Variants in FAAH2 observed in about 807,000 individuals in gnomAD.
The protein encoded by FAAH2 is fatty acid amide hydrolase 2, also known as fatty-acid amide hydrolase 2.
In FAAH2, 60 loss-of-function variants were observed where a neutral mutation model predicts 36.9. The ratio of observed to expected loss-of-function variants is 1.63; its 90% CI spans 1.32 to 2.02. FAAH2 has a LOEUF of 2.02. Among genes scored for constraint, FAAH2 ranks in the 30% most tolerant of loss-of-function variants. The probability of loss-of-function intolerance (pLI) is 0.00; values close to 1 mark genes in which losing one functional copy is unlikely to be tolerated. For missense variants in FAAH2, 689 were observed against 397.5 expected, an observed-to-expected ratio of 1.73 and a Z score of -6.23; for synonymous variants, 214 against 143.8, an observed-to-expected ratio of 1.49 and a Z score of -3.49.
At chrX:57,417,615 G>T (rs1414299629) in intron 7 of FAAH2, among the ~76,000 whole-genome samples, 1 of 111,609 alleles carries the variant, frequency 9.0e-6, no homozygotes, top group East Asian at 2.8e-4. Flanking sequence ...TTCTCTCAGC[G>T]GGGCAACTTC....
chrX:57,209,885 T>C, the FAAH2 span, among the ~76,000 whole-genome samples: 24 of 110,701 alleles, frequency 2.2e-4, 1 homozygote, highest in Non-Finnish European at 4.5e-4. Flanking sequence ...GAGTCCCCTC[T>C]GGCTATGACT....
At chrX:57,445,733 C>T (rs2056660228) in intron 8 of FAAH2, among the ~76,000 whole-genome samples, 1 of 112,437 alleles carries the variant, frequency 8.9e-6, no homozygotes, top group African/African-American at 3.2e-5. Context: ...TTTTCCCACT[C>T]CTTTCCCAAA....
intron 9 of FAAH2, among the ~76,000 whole-genome samples, chrX:57,447,609 C>T (rs188289151): frequency 1.2e-4 from 13 of 112,440 alleles, no homozygotes; most frequent in Non-Finnish European, 3.8e-5. Flanking sequence ...ACAGGCCCAA[C>T]ACCACATGGA....
chrX:57,176,928 G>C, the FAAH2 span, among the ~76,000 whole-genome samples: 1 of 110,736 alleles, frequency 9.0e-6, no homozygotes, highest in African/African-American at 3.3e-5. Flanking sequence ...ATGTGCTAGA[G>C]GCGTGAGCAA....
intron 5 of FAAH2, among the ~76,000 whole-genome samples, chrX:57,368,492 C>A (rs1204072877): frequency 2.7e-5 from 3 of 111,271 alleles, no homozygotes; most frequent in Non-Finnish European, 5.7e-5. Flanking sequence ...GTGGCATACC[C>A]CATGGAACAA....
At chrX:57,339,304 A>T (rs1227466471) in intron 4 of FAAH2, among the ~76,000 whole-genome samples, 1 of 112,390 alleles carries the variant, frequency 8.9e-6, no homozygotes, top group Non-Finnish European at 1.9e-5. Context: ...ACAAAACTAT[A>T]AAAATTTTAG....
In FAAH2 at chrX:57,467,989, G is replaced by A. The variant is rs2057082911; in HGVS notation, c.1423+19271G>A. Among the ~76,000 whole-genome samples the A allele has an allele frequency of 2.7e-5, 3 of 111,871 alleles. No homozygotes were observed. The South Asian group carries it at 1.1e-3, about 41-fold the overall frequency. On this transcript the variant is annotated intron_variant, in intron 10 of 10. Transcript: ENST00000374900. ...CGTTGCTGATACCAAGGCAAACAGG[G>A]TCTGGAGTGGACCTCCAGCAAACTC...
chrX:57,152,918 C>CCA, the FAAH2 span, among the ~76,000 whole-genome samples: 1 of 110,390 alleles, frequency 9.1e-6, no homozygotes, highest in African/African-American at 3.4e-5. Context: ...GCTCCCCCCC[C>CCA]GCTGACCTCT....
the FAAH2 span, among the ~76,000 whole-genome samples, chrX:57,245,500 G>A: frequency 1.8e-5 from 2 of 111,972 alleles, no homozygotes; most frequent in South Asian, 7.4e-4. Flanking sequence ...CTCAGGAAAT[G>A]CAAAACAATG....
chrX:57,361,713 C>T (rs189516963), intron 5 of FAAH2, among the ~76,000 whole-genome samples: 1 of 111,096 alleles, frequency 9.0e-6, no homozygotes, highest in Non-Finnish European at 1.9e-5. Flanking sequence ...TATGTGTTCT[C>T]TCTTGGAGAA....
intron 1 of FAAH2, among the ~76,000 whole-genome samples, chrX:57,287,883 T>C (rs1252266440): frequency 9.0e-6 from 1 of 111,254 alleles, no homozygotes; most frequent in East Asian, 2.8e-4. Flanking sequence ...ACTATCTCAG[T>C]ATGTGCTCCT....
chrX:57,361,651 G>A (rs2054288391), intron 5 of FAAH2, among the ~76,000 whole-genome samples: 1 of 111,178 alleles, frequency 9.0e-6, no homozygotes, highest in Admixed American at 9.6e-5. Context: ...AAGAAGATAT[G>A]TGATATTATA....
chrX:57,339,565 GA>G (rs112109613), intron 4 of FAAH2, among the ~76,000 whole-genome samples: 2 of 109,538 alleles, frequency 1.8e-5, no homozygotes, highest in African/African-American at 3.3e-5. Context: ...AAATTTACAA[GA>G]AAAAAACATT....
intron 7 of FAAH2, among the ~76,000 whole-genome samples, chrX:57,400,548 G>A (rs1035531065): frequency 8.9e-6 from 1 of 112,321 alleles, no homozygotes; most frequent in Non-Finnish European, 1.9e-5. Flanking sequence ...TTACTAAATG[G>A]GTATTGGCTT....
At chrX:57,191,331 A>T in the FAAH2 span, among the ~76,000 whole-genome samples, 2 of 110,185 alleles carry the variant, frequency 1.8e-5, no homozygotes, top group Non-Finnish European at 3.8e-5. Context: ...TTTAAAAATT[A>T]TATTATTATA....
chrX:57,340,257 T>C (rs1168042159), intron 4 of FAAH2, among the ~76,000 whole-genome samples: 1 of 111,737 alleles, frequency 8.9e-6, no homozygotes, highest in Admixed American at 9.5e-5. Flanking sequence ...CCAATTTCTA[T>C]CTGCTTTATT....
chrX:57,198,528 G>A, the FAAH2 span, among the ~76,000 whole-genome samples: 4 of 112,380 alleles, frequency 3.6e-5, no homozygotes, highest in Non-Finnish European at 7.5e-5. Context: ...TGGCTGTCAG[G>A]CCCCTCTGCT....
chrX:57,166,415 C>T, the FAAH2 span, among the ~76,000 whole-genome samples: 18 of 111,742 alleles, frequency 1.6e-4, no homozygotes, highest in South Asian at 1.5e-3. Flanking sequence ...TAATACACAC[C>T]CACCCTAGAT....
At chrX:57,264,605 A>G in the FAAH2 span, among the ~76,000 whole-genome samples, 3 of 112,716 alleles carry the variant, frequency 2.7e-5, no homozygotes, top group Non-Finnish European at 3.8e-5. Context: ...TAGCTCAACC[A>G]TTGTGGAAGA....
Sources: gnomAD v4.1 joint callset for allele counts (sites outside exome capture counted in the v4.1 genomes callset) on GRCh38, gnomAD v4.1.1 for gene constraint, MANE v1.5 for transcripts, NCBI Gene and HGNC (gene_info 2026-07-23, HGNC 2026-07-21) for gene names.